Variants in ZNF716 observed in about 807,000 individuals in gnomAD.
ZNF716 encodes zinc finger protein 716.
ZNF716 carries 9 observed loss-of-function variants against 13.4 expected under a neutral mutation model. The observed-to-expected ratio is 0.67, with a 90% CI of 0.41 to 1.18. ZNF716 has a LOEUF of 1.18. Ranked by LOEUF, ZNF716 falls within the 50% of genes most tolerant of loss-of-function variation. The probability of loss-of-function intolerance (pLI) is 0.01; values close to 1 mark genes in which losing one functional copy is unlikely to be tolerated. For synonymous variants in ZNF716, 186 were observed against 195.2 expected, an observed-to-expected ratio of 0.95 and a Z score of 0.39; for missense variants, 581 against 576.6, an observed-to-expected ratio of 1.01 and a Z score of -0.08.
rs1263305444 is a variant in ZNF716, at chr7:57,471,957, A to AT, written c.*2012dup. 6.6e-6 allele frequency: 1 copy of AT among 152,164 alleles called. No homozygotes were observed. The highest frequency in any genetic ancestry group is 6.5e-5 in the Admixed American group (1 of 15,274). The allele number at this position is 152,164 out of a possible 1,614,324, so 9.4% of individuals were successfully genotyped here. A position where few individuals can be genotyped will look rare whatever the true frequency, so the allele number is the denominator to read the frequency against. On this transcript the variant is annotated 3_prime_UTR_variant, in exon 4 of 4. Transcript: ENST00000420713. ...TCTTTCTTTGTAAAAAAAAATATAG[A>AT]TTTTCTGAAAAGCAAATAGTAATGT...
At chr7:57,454,979 T>C (rs376554995) in intron 1 of ZNF716, among the ~76,000 whole-genome samples, 1 of 150,680 alleles carries the variant, frequency 6.6e-6, no homozygotes, top group East Asian at 2.0e-4. Flanking sequence ...TGAGCAGAGA[T>C]AGCGCCATTG....
At position 57,462,428 on chromosome 7, in the gene ZNF716, G is replaced by GT. The variant is rs199614965; in HGVS notation, c.40-24dup. On this transcript the variant is annotated intron_variant, in intron 1 of 3. Coordinates refer to ENST00000420713, the MANE Select transcript of ZNF716 (RefSeq NM_001159279.1). ...GGTAACTGTTTGTGTGTTCATGAGT[G>GT]TTTTTTTTGTTTGTTTATTTTTTGT... The GT allele has an allele frequency of 7.4e-4, 1,181 of 1,602,928 alleles. 12 individuals are homozygous for GT. The African/African-American group carries it at 8.1e-3, about 11-fold the overall frequency.
chr7:57,453,092 C>T (rs546352145), intron 1 of ZNF716, among the ~76,000 whole-genome samples: 12 of 152,020 alleles, frequency 7.9e-5, no homozygotes, highest in East Asian at 1.9e-4. Flanking sequence ...CAATCAGATG[C>T]GGGTATTGAG....
intron 3 of ZNF716, among the ~76,000 whole-genome samples, chr7:57,467,255 C>T (rs547243806): frequency 1.1e-4 from 17 of 152,092 alleles, no homozygotes; most frequent in African/African-American, 4.1e-4. Flanking sequence ...TTTTAAAGAA[C>T]AACTAAAAAT....
chr7:57,468,410 A>C (rs1386978613), intron 3 of ZNF716, among the ~76,000 whole-genome samples: 2 of 152,148 alleles, frequency 1.3e-5, no homozygotes, highest in Non-Finnish European at 2.9e-5. Context: ...GCTCCTAAAG[A>C]CACCATGTTC....
At chr7:57,465,467 C>T (rs1789789067) in intron 3 of ZNF716, among the ~76,000 whole-genome samples, 1 of 152,074 alleles carries the variant, frequency 6.6e-6, no homozygotes, top group Admixed American at 6.6e-5. Flanking sequence ...ATCATTCCAC[C>T]TTGGCCTCCT....
chr7:57,460,544 C>T (rs1789689635), intron 1 of ZNF716, among the ~76,000 whole-genome samples: 1 of 151,866 alleles, frequency 6.6e-6, no homozygotes, highest in Non-Finnish European at 1.5e-5. Flanking sequence ...TCAAGGGGTT[C>T]TGAAAAAAAT....
intron 1 of ZNF716, among the ~76,000 whole-genome samples, chr7:57,454,182 G>T (rs372875694): frequency 6.6e-6 from 1 of 152,078 alleles, no homozygotes; most frequent in Non-Finnish European, 1.5e-5. Flanking sequence ...AGATGGGACT[G>T]GGCACCTTCT....
rs1242668159 is a variant in ZNF716, at chr7:57,468,878, A to T, written c.417A>T (p.Lys139Asn). Residue 139 changes from lysine (K) to asparagine (N), a missense_variant, in exon 4 of 4, where the codon AAA becomes AAT. Transcript: ENST00000420713. ...CKSVGECEVH[K>N]GGYNYVNQCL... ...GTGTAGGTGAGTGTGAGGTGCACAA[A>T]GGAGGTTATAATTATGTTAACCAAT... The T allele has an allele frequency of 1.9e-6, 3 of 1,613,508 alleles. No individual in the cohort carries two copies. The African/African-American group carries it at 4.0e-5, about 22-fold the overall frequency.
In ZNF716 at chr7:57,468,945, T is replaced by C. The variant is rs1443394102; in HGVS notation, c.484T>C (p.Cys162Arg). 18 of 1,610,408 alleles carry C rather than the reference T, an allele frequency of 1.1e-5. No individual in the cohort carries two copies. The highest frequency in any genetic ancestry group is 1.4e-5 in the Non-Finnish European group (17 of 1,178,060). The stretch of plus-strand genomic sequence containing the variant: ...AAACAAAACATTTCAGACTCATAAA[T>C]GCGTCAAAGTCTTTGGTAAATTTTC... ...TQNKTFQTHKCVKVFGKFSNS... is the reference protein window; with the variant it reads ...TQNKTFQTHKRVKVFGKFSNS... Residue 162 changes from cysteine (C) to arginine (R), a missense_variant, in exon 4 of 4, where the codon TGC becomes CGC. Cys to Arg is a radical substitution (Grantham distance 180). Coordinates refer to ENST00000420713, the MANE Select transcript of ZNF716 (RefSeq NM_001159279.1).
Position 57,472,655 on chromosome 7 carries a change from T to G in ZNF716, c.*2706T>G, listed in dbSNP as rs56301829. 1.3e-5 allele frequency: 2 copies of G among 151,864 alleles called. No homozygotes were observed. Among genetic ancestry groups the G allele is most frequent in the South Asian group, 4.2e-4 (2 of 4,810 alleles). 9.4% of individuals were successfully genotyped at this position (151,864 alleles called of 1,614,324 possible). On this transcript the variant is annotated 3_prime_UTR_variant, in exon 4 of 4. Transcript: ENST00000420713. ...CTAATTTTTGTATTTTTAGTAGAGATGAGGTTTCCCCATGTTGGCCAGGCT... is the reference window on the plus strand; with the variant it reads ...CTAATTTTTGTATTTTTAGTAGAGAGGAGGTTTCCCCATGTTGGCCAGGCT...
At position 57,469,646 on chromosome 7, in the gene ZNF716, C is replaced by A; in HGVS notation, c.1185C>A (p.Phe395Leu). 6.2e-7 allele frequency: 1 copy of A among 1,604,728 alleles called. No homozygotes were observed. The highest frequency in any genetic ancestry group is 1.4e-5 in the African/African-American group (1 of 71,782). Reference protein sequence around the residue: ...CGKAFSLPSTFTYHKRTHTGE... With the variant: ...CGKAFSLPSTLTYHKRTHTGE... ...AAGCCTTTAGCTTACCCTCAACCTTCACTTACCACAAGAGAACTCATACTG... is the reference window on the plus strand; with the variant it reads ...AAGCCTTTAGCTTACCCTCAACCTTAACTTACCACAAGAGAACTCATACTG... The change falls in exon 4 of 4, where the codon TTC becomes TTA. Residue 395 changes from phenylalanine (F) to leucine (L), a missense_variant. Coordinates refer to ENST00000420713, the MANE Select transcript of ZNF716 (RefSeq NM_001159279.1).
In ZNF716 at chr7:57,470,182, T is replaced by G. The variant is rs1562680464; in HGVS notation, c.*233T>G. 5.6e-6 allele frequency: 2 copies of G among 356,478 alleles called. No individual in the cohort carries two copies. The highest frequency in any genetic ancestry group is 9.7e-6 in the Non-Finnish European group (2 of 206,404). The allele number at this position is 356,478 out of a possible 1,614,324, so 22.1% of individuals were successfully genotyped here. ...GAGAATTTATTTAAAAAAATTTTTT[T>G]GAGACAGAGTCTCACTTTGTCACCC... On this transcript the variant is annotated 3_prime_UTR_variant, in exon 4 of 4. Transcript: ENST00000420713.
chr7:57,471,629 T>C lies in ZNF716; in HGVS notation c.*1680T>C, dbSNP rs542787155. The C allele has an allele frequency of 6.6e-6, 1 of 152,264 alleles. No individual in the cohort carries two copies. Among genetic ancestry groups the C allele is most frequent in the South Asian group, 2.1e-4 (1 of 4,816 alleles). 9.4% of individuals were successfully genotyped at this position (152,264 alleles called of 1,614,324 possible). A position where few individuals can be genotyped will look rare whatever the true frequency, so the allele number is the denominator to read the frequency against. On this transcript the variant is annotated 3_prime_UTR_variant, in exon 4 of 4. Coordinates refer to ENST00000420713, the MANE Select transcript of ZNF716 (RefSeq NM_001159279.1). ...TCAAACTTTGTTGAACATCGGAGAA[T>C]TTATATTGGAGAGAAAGTGTAAATG...
rs1789898309 is a variant in ZNF716, at chr7:57,469,959, G to C, written c.*10G>C. On this transcript the variant is annotated 3_prime_UTR_variant, in exon 4 of 4. Transcript: ENST00000420713. Reference sequence around the variant, plus strand: ...CTACAAATATGAATAATGTGGTAAAGTCCAGCCCTCAGGCCTTATAATACA... The same window carrying C: ...CTACAAATATGAATAATGTGGTAAACTCCAGCCCTCAGGCCTTATAATACA... 1 of 1,534,860 alleles carries C rather than the reference G, an allele frequency of 6.5e-7. No homozygotes were observed. The highest frequency in any genetic ancestry group is 2.4e-5 in the East Asian group (1 of 41,118).
In ZNF716 at chr7:57,468,972, A is replaced by G; in HGVS notation, c.511A>G (p.Asn171Asp). 3 of 1,608,602 alleles carry G rather than the reference A, an allele frequency of 1.9e-6. No individual in the cohort carries two copies. Among genetic ancestry groups the G allele is most frequent in the South Asian group, 2.2e-5 (2 of 90,748 alleles). The change falls in exon 4 of 4, where the codon AAT becomes GAT. Residue 171 changes from asparagine (N) to aspartate (D), a missense_variant. Transcript: ENST00000420713. ...CGTCAAAGTCTTTGGTAAATTTTCA[A>G]ATTCCAATAGACACAAGACAAGACA... is the stretch of plus-strand genomic sequence containing the variant. ...KCVKVFGKFS[N>D]SNRHKTRHTG...
chr7:57,468,487 G>T (rs1317755381), intron 3 of ZNF716, among the ~76,000 whole-genome samples: 1 of 152,104 alleles, frequency 6.6e-6, no homozygotes, highest in Non-Finnish European at 1.5e-5. Context: ...TCTCTCTATG[G>T]CTCTTGGCAT....
rs550563768 is a variant in ZNF716 at position 57,473,279 on chromosome 7, G to C, written c.*3330G>C. On this transcript the variant is annotated 3_prime_UTR_variant, in exon 4 of 4. Transcript: ENST00000420713. ...AGCACAGTGGCTCCCAGCATTTTGG[G>C]AGCCTGAGGTGGGAGGATCATTTGA... The C allele has an allele frequency of 6.6e-6, 1 of 152,090 alleles. No homozygotes were observed. Among genetic ancestry groups the C allele is most frequent in the Non-Finnish European group, 1.5e-5 (1 of 68,024 alleles). The allele number at this position is 152,090 out of a possible 1,614,324, so 9.4% of individuals were successfully genotyped here. A position where few individuals can be genotyped will look rare whatever the true frequency, so the allele number is the denominator to read the frequency against.
At chr7:57,456,287 C>T (rs1789589767) in intron 1 of ZNF716, among the ~76,000 whole-genome samples, 1 of 152,242 alleles carries the variant, frequency 6.6e-6, no homozygotes, top group Admixed American at 6.5e-5. Context: ...AACTGGTTAA[C>T]GTAAGTACAG....
Sources: allele counts gnomAD v4.1 joint callset (sites outside exome capture counted in the v4.1 genomes callset), GRCh38; gene constraint gnomAD v4.1.1; transcripts MANE v1.5; gene names NCBI Gene and HGNC (gene_info 2026-07-23, HGNC 2026-07-21).